The following RAD51B variants were observed in gnomAD, a reference collection of about 807,000 sequenced individuals.
The protein encoded by RAD51B is RAD51 paralog B, also known as DNA repair protein RAD51 homolog 2.
A neutral mutation model predicts 42.2 loss-of-function variants in RAD51B; 38 were observed. The ratio of observed to expected loss-of-function variants is 0.90; its 90% confidence interval spans 0.70 to 1.18. The LOEUF (loss-of-function observed/expected upper bound fraction) is 1.18, where lower values mean the gene tolerates loss of function less well. RAD51B is among the 50% of genes most tolerant of loss of function. RAD51B has a pLI of 0.00. For missense variants in RAD51B, 373 were observed against 400.7 expected (o/e 0.93, Z 0.59); for synonymous variants, 154 against 145.2 (o/e 1.06, Z -0.43).
intron 9 of RAD51B, among the ~76,000 whole-genome samples, chr14:68,413,936 GTT>G (rs72558263): frequency 1.3e-5 from 2 of 151,182 alleles, no homozygotes; most frequent in Non-Finnish European, 2.9e-5. Flanking sequence ...GTTTTTTAGG[GTT>G]TTTTTTCCAA....
Position 68,225,253 on chromosome 14 carries a change from C to T in RAD51B, c.757-66631C>T, listed in dbSNP as rs141144429. 8.9e-4 allele frequency among the ~76,000 whole-genome samples: 136 copies of T among 152,270 alleles called. 1 individual carries two copies. The Middle Eastern group carries it at 0.01, about 11-fold the overall frequency. The stretch of plus-strand genomic sequence containing the variant: ...TAATGGAGGAACATTGTTATACCAA[C>T]CTATTTATATTTGATCCACATTTTA... On this transcript the variant is annotated intron_variant, in intron 7 of 10. Transcript: ENST00000471583.
chr14:67,889,656 T>G (rs1281339993), intron 7 of RAD51B, among the ~76,000 whole-genome samples: 1 of 151,754 alleles, frequency 6.6e-6, no homozygotes, highest in Non-Finnish European at 1.5e-5. Flanking sequence ...TTGGCCCTTA[T>G]GTGCGCATGA....
intron 7 of RAD51B, among the ~76,000 whole-genome samples, chr14:67,941,390 A>G (rs774034538): frequency 1.1e-4 from 17 of 152,162 alleles, no homozygotes; most frequent in African/African-American, 3.4e-4. Flanking sequence ...GTTTCCAGAC[A>G]TTCTGAAAGT....
At chr14:68,522,434 T>A (rs1886645349) in intron 10 of RAD51B, among the ~76,000 whole-genome samples, 1 of 151,988 alleles carries the variant, frequency 6.6e-6, no homozygotes, top group African/African-American at 2.4e-5. Context: ...GCAAAAAAAA[T>A]ATGGAAGTTA....
At chr14:68,671,022 C>A (rs968314563) in intron 11 of RAD51B, among the ~76,000 whole-genome samples, 2 of 152,118 alleles carry the variant, frequency 1.3e-5, no homozygotes, top group Non-Finnish European at 2.9e-5. Context: ...TGCTGCTGGC[C>A]CCCCCAAGAT....
At chr14:67,920,617 A>G (rs2044291859) in intron 7 of RAD51B, among the ~76,000 whole-genome samples, 1 of 152,202 alleles carries the variant, frequency 6.6e-6, no homozygotes, top group Admixed American at 6.5e-5. Context: ...ACTGTGTACA[A>G]TTTTATGAAG....
chr14:67,886,620 C>G (rs1319231993), intron 6 of RAD51B: 1 of 230,678 alleles, frequency 4.3e-6, no homozygotes, highest in African/African-American at 2.2e-5. Flanking sequence ...AACCCACACT[C>G]AGAAATAAGG....
intron 7 of RAD51B, among the ~76,000 whole-genome samples, chr14:68,201,662 G>A (rs968293709): frequency 1.3e-5 from 2 of 152,204 alleles, no homozygotes; most frequent in African/African-American, 4.8e-5. Flanking sequence ...GTCAATGGGA[G>A]AAAATACTGT....
chr14:68,604,553 C>G (rs951608683), intron 10 of RAD51B, among the ~76,000 whole-genome samples: 1 of 152,220 alleles, frequency 6.6e-6, no homozygotes, highest in African/African-American at 2.4e-5. Context: ...GCTCCATGTC[C>G]TCATGGGTGT....
At chr14:68,427,931 AG>A (rs1274233067) in intron 9 of RAD51B, among the ~76,000 whole-genome samples, 1 of 152,244 alleles carries the variant, frequency 6.6e-6, no homozygotes, top group African/African-American at 2.4e-5. Flanking sequence ...GAATTGATTT[AG>A]GCCATAAGAG....
At chr14:68,386,941 A>T (rs368000107) in intron 8 of RAD51B, among the ~76,000 whole-genome samples, 5 of 152,178 alleles carry the variant, frequency 3.3e-5, no homozygotes, top group Admixed American at 2.6e-4. Context: ...CATTGATATC[A>T]CCTCTCCTTT....
At chr14:68,015,383 A>G (rs1345941869) in intron 7 of RAD51B, among the ~76,000 whole-genome samples, 1 of 152,192 alleles carries the variant, frequency 6.6e-6, no homozygotes, top group South Asian at 2.1e-4. Context: ...ACAACATACG[A>G]TGGTGTATTA....
chr14:68,598,714 G>T (rs1183926748), downstream of RAD51B, among the ~76,000 whole-genome samples: 1 of 152,218 alleles, frequency 6.6e-6, no homozygotes, highest in African/African-American at 2.4e-5. Flanking sequence ...GAAGGTTCTC[G>T]TGGGCTGTGC....
At chr14:68,210,768 C>T (rs2079688904) in intron 7 of RAD51B, among the ~76,000 whole-genome samples, 1 of 152,150 alleles carries the variant, frequency 6.6e-6, no homozygotes, top group Non-Finnish European at 1.5e-5. Context: ...CAAGGAAATG[C>T]GCTTGTGATC....
rs139243313 is a variant in RAD51B at position 68,470,566 on chromosome 14, T to C, written c.1036+2316T>C. The stretch of plus-strand genomic sequence containing the variant: ...AACCTTGATTCAAGACTTTGAAAAC[T>C]GTCGCAACCCATTGGTGGGTCATGA... On this transcript the variant is annotated intron_variant, in intron 10 of 10. Coordinates refer to ENST00000471583, the MANE Select transcript of RAD51B (RefSeq NM_133510.4). 1.7e-3 allele frequency: 855 copies of C among 505,126 alleles called. 2 individuals carry two copies. Among genetic ancestry groups the C allele is most frequent in the African/African-American group, 0.015 (800 of 52,316 alleles). 31.3% of individuals were successfully genotyped at this position (505,126 alleles called of 1,614,324 possible).
chr14:68,206,404 A>G (rs2079585948), intron 7 of RAD51B, among the ~76,000 whole-genome samples: 1 of 152,170 alleles, frequency 6.6e-6, no homozygotes, highest in African/African-American at 2.4e-5. Context: ...TTATCTGTTG[A>G]TGATTCTTGT....
chr14:68,648,311 G>T (rs1290470703), intron 10 of RAD51B, among the ~76,000 whole-genome samples: 1 of 147,522 alleles, frequency 6.8e-6, no homozygotes, highest in African/African-American at 2.5e-5. Context: ...CTTTTATATG[G>T]CTGGTCTCCA....
intron 7 of RAD51B, among the ~76,000 whole-genome samples, chr14:67,983,218 T>A (rs2075126715): frequency 6.6e-6 from 1 of 152,208 alleles, no homozygotes; most frequent in Non-Finnish European, 1.5e-5. Flanking sequence ...CTCAGCCAAC[T>A]AGAGGGTTAG....
At chr14:68,215,606 A>G (rs2079798912) in intron 7 of RAD51B, among the ~76,000 whole-genome samples, 1 of 152,206 alleles carries the variant, frequency 6.6e-6, no homozygotes, top group African/African-American at 2.4e-5. Context: ...GAAGAACCAA[A>G]ATTAGACCCA....
Sources: allele counts gnomAD v4.1 joint callset (sites outside exome capture counted in the v4.1 genomes callset), GRCh38; gene constraint gnomAD v4.1.1; transcripts MANE v1.5; gene names NCBI Gene and HGNC (gene_info 2026-07-23, HGNC 2026-07-21).